SLC39A3: variants seen among roughly 807,000 people sequenced by gnomAD.
SLC39A3 encodes the protein zinc transporter ZIP3.
In SLC39A3, 3 loss-of-function variants were observed where a neutral mutation model predicts 5.1. The observed-to-expected ratio is 0.59, with a 90% CI of 0.27 to 1.54. The LOEUF (loss-of-function observed/expected upper bound fraction) is 1.54, where lower values mean the gene tolerates loss of function less well. Ranked by LOEUF, SLC39A3 falls within the 40% of genes most tolerant of loss-of-function variation. The probability of loss-of-function intolerance (pLI) is 0.12; values close to 1 mark genes in which losing one functional copy is unlikely to be tolerated. For missense variants in SLC39A3, 412 were observed against 436.4 expected (o/e 0.94, Z 0.50); for synonymous variants, 250 against 218.8 (o/e 1.14, Z -1.26).
At chr19:2,738,770 C>G (rs71339132) in intron 1 of SLC39A3, among the ~76,000 whole-genome samples, 1 of 152,040 alleles carries the variant, frequency 6.6e-6, no homozygotes, top group South Asian at 2.1e-4. Context: ...AACACTGTCT[C>G]TACTAAAAAT....
chr19:2,732,885 C>T lies in SLC39A3; in HGVS notation c.811G>A (p.Gly271Ser), dbSNP rs755044188. ...AGGAAGGTGATGAAGAGGAAGGTGC[C>T]GCCCGCCAGGCCCTGCAGCAGCACG... ...ASVLLQGLAG[G>S]TFLFITFLEI... Residue 271 changes from glycine (G) to serine (S), a missense_variant, in exon 3 of 3, where the codon GGC becomes AGC. Coordinates refer to ENST00000269740, the MANE Select transcript of SLC39A3 (RefSeq NM_144564.5). 14 of 1,611,754 alleles carry T rather than the reference C, an allele frequency of 8.7e-6. No individual in the cohort carries two copies. Among genetic ancestry groups the T allele is most frequent in the Non-Finnish European group, 1.1e-5 (13 of 1,179,398 alleles).
At chr19:2,737,787 G>A (rs2144700447) in intron 1 of SLC39A3, 1 of 157,976 alleles carries the variant, frequency 6.3e-6, no homozygotes, top group African/African-American at 2.4e-5. Flanking sequence ...CTGTAATCGT[G>A]TGCAATTAAT....
In SLC39A3 at chr19:2,737,237, G is replaced by C. The variant is rs781589170; in HGVS notation, c.21C>G (p.Ala7=). ...ACACGCCCACCATGCACAGGATTTT[G>C]GCCACTAGCAATTTCACCATGGTGG... MVKLLV[A]KILCMVGVFF... The change falls in exon 2 of 3, where the codon GCC becomes GCG. Residue 7 remains alanine, a synonymous_variant. Transcript: ENST00000269740. 1 of 1,613,582 alleles carries C rather than the reference G, an allele frequency of 6.2e-7. No individual in the cohort carries two copies. The highest frequency in any genetic ancestry group is 1.1e-5 in the South Asian group (1 of 91,030).
At position 2,733,277 on chromosome 19, in the gene SLC39A3, C is replaced by G. The variant is rs751040577; in HGVS notation, c.419G>C (p.Gly140Ala). 38 of 1,612,386 alleles carry G rather than the reference C, an allele frequency of 2.4e-5. No individual in the cohort carries two copies. Among genetic ancestry groups the G allele is most frequent in the Non-Finnish European group, 2.7e-5 (32 of 1,179,756 alleles). Residue 140 changes from glycine to alanine, a missense_variant, in exon 3 of 3, where the codon GGC becomes GCC. Coordinates refer to ENST00000269740, the MANE Select transcript of SLC39A3 (RefSeq NM_144564.5). This position sits in a 1 kb window ranked among gnomAD's most constrained non-coding sequence, Gnocchi z 6.1. ...CACGTACAGCGCGTGGCCCCGCGCG[C>G]CCCCCATGAAGGGGCTCTCATACTC... ...DSEYESPFMGGARGHALYVEP... is the reference protein window; with the variant it reads ...DSEYESPFMGAARGHALYVEP...
chr19:2,735,152 A>G lies in SLC39A3; in HGVS notation c.211-1667T>C. Reference sequence around the variant, plus strand: ...GGGTGACGGGGGTGACACCATGACCATGGGGGAAAAGGGGGGCTGGCAGTG... The same window carrying G: ...GGGTGACGGGGGTGACACCATGACCGTGGGGGAAAAGGGGGGCTGGCAGTG... On this transcript the variant is annotated intron_variant, in intron 2 of 2. Transcript: ENST00000269740. This position sits in a 1 kb window ranked among gnomAD's most constrained non-coding sequence, Gnocchi z 5.7. 2 of 985,382 alleles carry G rather than the reference A, an allele frequency of 2.0e-6. No homozygotes were observed. The highest frequency in any genetic ancestry group is 2.4e-6 in the Non-Finnish European group (2 of 829,934). 61.0% of individuals were successfully genotyped at this position (985,382 alleles called of 1,614,324 possible).
At position 2,732,629 on chromosome 19, in the gene SLC39A3, G is replaced by A. The variant is rs1914228678; in HGVS notation, c.*122C>T. Reference sequence around the variant, plus strand: ...AGCCTGGTCCCGGGAGGCCCCTTGTGCACAGGTGGTGGCCCAGGGCCACAG... The same window carrying A: ...AGCCTGGTCCCGGGAGGCCCCTTGTACACAGGTGGTGGCCCAGGGCCACAG... On this transcript the variant is annotated 3_prime_UTR_variant, in exon 3 of 3. Transcript: ENST00000269740. The A allele has an allele frequency of 1.4e-6, 2 of 1,428,224 alleles. No individual in the cohort carries two copies. Among genetic ancestry groups the A allele is most frequent in the African/African-American group, 1.4e-5 (1 of 69,380 alleles). The allele number at this position is 1,428,224 out of a possible 1,614,324, so 88.5% of individuals were successfully genotyped here.
At position 2,733,553 on chromosome 19, in the gene SLC39A3, C is replaced by T. The variant is rs1173108747; in HGVS notation, c.211-68G>A. On this transcript the variant is annotated intron_variant, in intron 2 of 2. Transcript: ENST00000269740. The surrounding 1 kb of genome is among the most constrained non-coding windows in gnomAD (Gnocchi z 6.1). Reference sequence around the variant, plus strand: ...CAGGGGTGGCGGCGACAGGGCTGGCCAGATGTCACCGTTCAAAGCAAAGTC... The same window carrying T: ...CAGGGGTGGCGGCGACAGGGCTGGCTAGATGTCACCGTTCAAAGCAAAGTC... The T allele has an allele frequency of 4.6e-6, 7 of 1,525,972 alleles. No individual in the cohort carries two copies. The Admixed American group carries it at 1.3e-4, about 28-fold the overall frequency. The allele number at this position is 1,525,972 out of a possible 1,614,324, so 94.5% of individuals were successfully genotyped here.
rs778806026 is a variant in SLC39A3 at position 2,735,241 on chromosome 19, G to C, written c.211-1756C>G. ...CTCCATCCTCGCAGTGCAGATGTCA[G>C]TCTTCACACACCGCGTAACGAACGA... On this transcript the variant is annotated intron_variant, in intron 2 of 2. Transcript: ENST00000269740. This position sits in a 1 kb window ranked among gnomAD's most constrained non-coding sequence, Gnocchi z 5.7. 12 of 984,446 alleles carry C rather than the reference G, an allele frequency of 1.2e-5. No individual in the cohort carries two copies. The highest frequency in any genetic ancestry group is 1.4e-5 in the Non-Finnish European group (12 of 828,996). 61.0% of individuals were successfully genotyped at this position (984,446 alleles called of 1,614,324 possible).
rs952819229 is a variant in SLC39A3 at position 2,738,353 on chromosome 19, C to T, written c.-122-974G>A. Among the ~76,000 whole-genome samples, 6 of 152,100 alleles carry T rather than the reference C, an allele frequency of 3.9e-5. No homozygotes were observed. The East Asian group carries it at 5.8e-4, about 15-fold the overall frequency. ...AGGGAACACTCTCATCACTGCAGAA[C>T]ATGCTATTGGATGGTGGTGGTCCAT... On this transcript the variant is annotated intron_variant, in intron 1 of 2. Transcript: ENST00000269740.
rs991529031 is a variant in SLC39A3 at position 2,732,659 on chromosome 19, C to T, written c.*92G>A. ...GGTGGTGGCCCAGGGCCACAGTGCT[C>T]GCTCTTGGGGGACGCGCGGCCGGGG... is the stretch of plus-strand genomic sequence containing the variant. On this transcript the variant is annotated 3_prime_UTR_variant, in exon 3 of 3. Coordinates refer to ENST00000269740, the MANE Select transcript of SLC39A3 (RefSeq NM_144564.5). 5.9e-5 allele frequency: 84 copies of T among 1,435,062 alleles called. No homozygotes were observed. Among genetic ancestry groups the T allele is most frequent in the East Asian group, 1.5e-4 (6 of 39,046 alleles). The allele number at this position is 1,435,062 out of a possible 1,614,324, so 88.9% of individuals were successfully genotyped here.
chr19:2,737,395 G>T lies in SLC39A3; in HGVS notation c.-122-16C>A. 2 of 1,412,980 alleles carry T rather than the reference G, an allele frequency of 1.4e-6. No individual in the cohort carries two copies. Among genetic ancestry groups the T allele is most frequent in the Non-Finnish European group, 1.9e-6 (2 of 1,065,080 alleles). The allele number at this position is 1,412,980 out of a possible 1,614,324, so 87.5% of individuals were successfully genotyped here. On this transcript the variant is annotated splice_polypyrimidine_tract_variant and intron_variant, in intron 1 of 2. Coordinates refer to ENST00000269740, the MANE Select transcript of SLC39A3 (RefSeq NM_144564.5). The stretch of plus-strand genomic sequence containing the variant: ...AGTCCAGCAACTGTGAACATCAGGG[G>T]CACTGCATTAGCTTTCTTTCTTTTT...
intron 2 of SLC39A3, chr19:2,736,311 G>T: frequency 4.5e-6 from 2 of 444,188 alleles, no homozygotes; most frequent in Non-Finnish European, 6.0e-6. Context: ...GGGGCAGAGG[G>T]GAAGGGATAC....
At position 2,732,816 on chromosome 19, in the gene SLC39A3, G is replaced by A. The variant is rs1914236745; in HGVS notation, c.880C>T (p.Leu294Phe). 1 of 1,611,436 alleles carries A rather than the reference G, an allele frequency of 6.2e-7. No individual in the cohort carries two copies. The highest frequency in any genetic ancestry group is 8.5e-7 in the Non-Finnish European group (1 of 1,179,092). ...KELEEKSDRL[L>F]KVLFLVLGYT... ...CCCAGCACCAGGAAGAGGACCTTGA[G>A]CAGACGGTCACTCTTCTCCTCCAGC... The change falls in exon 3 of 3, where the codon CTC becomes TTC. Residue 294 changes from leucine to phenylalanine, a missense_variant. Transcript: ENST00000269740.
Position 2,735,162 on chromosome 19 carries a change from A to G in SLC39A3, c.211-1677T>C. 1.8e-5 allele frequency: 18 copies of G among 985,176 alleles called. No individual in the cohort carries two copies. Among genetic ancestry groups the G allele is most frequent in the Non-Finnish European group, 2.0e-5 (17 of 829,806 alleles). The allele number at this position is 985,176 out of a possible 1,614,324, so 61.0% of individuals were successfully genotyped here. On this transcript the variant is annotated intron_variant, in intron 2 of 2. Coordinates refer to ENST00000269740, the MANE Select transcript of SLC39A3 (RefSeq NM_144564.5). This position sits in a 1 kb window ranked among gnomAD's most constrained non-coding sequence, Gnocchi z 5.7. ...GGTGACACCATGACCATGGGGGAAA[A>G]GGGGGGCTGGCAGTGGCCTCTGCGA... is the stretch of plus-strand genomic sequence containing the variant.
rs1056657375 is a variant in SLC39A3, at chr19:2,734,894, G to A, written c.211-1409C>T. 7 of 985,384 alleles carry A rather than the reference G, an allele frequency of 7.1e-6. No homozygotes were observed. The African/African-American group carries it at 1.2e-4, about 17-fold the overall frequency. The allele number at this position is 985,384 out of a possible 1,614,324, so 61.0% of individuals were successfully genotyped here. ...ACTCCCAAGAGACAGACGTTGATCA[G>A]GAGAGATGAGGCAGATGCACGGGAG... On this transcript the variant is annotated intron_variant, in intron 2 of 2. Transcript: ENST00000269740. The surrounding 1 kb of genome is among the most constrained non-coding windows in gnomAD (Gnocchi z 4.6).
Position 2,732,933 on chromosome 19 carries a change from C to T in SLC39A3, c.763G>A (p.Gly255Ser). The change falls in exon 3 of 3, where the codon GGC becomes AGC. Residue 255 changes from glycine to serine, a missense_variant. Coordinates refer to ENST00000269740, the MANE Select transcript of SLC39A3 (RefSeq NM_144564.5). ...ACGGACGCCACGCTGCCCGGCACGC[C>T]CTGGGCGCTCTCAATGCCCAGGCCC... ...GLGLGIESAQ[G>S]VPGSVASVLL... 1 of 1,608,996 alleles carries T rather than the reference C, an allele frequency of 6.2e-7. No individual in the cohort carries two copies. Among genetic ancestry groups the T allele is most frequent in the South Asian group, 1.1e-5 (1 of 90,728 alleles).
Position 2,735,766 on chromosome 19 carries a change from G to C in SLC39A3, c.210+1282C>G. 6.8e-6 allele frequency: 6 copies of C among 882,368 alleles called. No homozygotes were observed. The highest frequency in any genetic ancestry group is 8.1e-6 in the Non-Finnish European group (6 of 736,320). 54.7% of individuals were successfully genotyped at this position (882,368 alleles called of 1,614,324 possible). A position where few individuals can be genotyped will look rare whatever the true frequency, so the allele number is the denominator to read the frequency against. On this transcript the variant is annotated intron_variant, in intron 2 of 2. Transcript: ENST00000269740. The surrounding 1 kb of genome is among the most constrained non-coding windows in gnomAD (Gnocchi z 5.7). ...CCTACCCACACTCGAGGGGAGGGAAGAGCATGGGGCGTGCGGAGCAGGGGC... is the reference window on the plus strand; with the variant it reads ...CCTACCCACACTCGAGGGGAGGGAACAGCATGGGGCGTGCGGAGCAGGGGC...
At position 2,738,541 on chromosome 19, in the gene SLC39A3, C is replaced by G. The variant is rs115402709; in HGVS notation, c.-122-1162G>C. Reference sequence around the variant, plus strand: ...GGTTCTCCTCTCTCCACCTGGAACACTGCTCTCTTTCCCCTGACCTTCCAG... The same window carrying G: ...GGTTCTCCTCTCTCCACCTGGAACAGTGCTCTCTTTCCCCTGACCTTCCAG... On this transcript the variant is annotated intron_variant, in intron 1 of 2. Transcript: ENST00000269740. Among the ~76,000 whole-genome samples, 614 of 152,304 alleles carry G rather than the reference C, an allele frequency of 4.0e-3. 6 individuals carry two copies. Among genetic ancestry groups the G allele is most frequent in the African/African-American group, 0.014 (581 of 41,554 alleles).
chr19:2,733,211 A>G lies in SLC39A3; in HGVS notation c.485T>C (p.Leu162Pro). The G allele has an allele frequency of 6.2e-7, 1 of 1,607,328 alleles. No homozygotes were observed. Among genetic ancestry groups the G allele is most frequent in the Non-Finnish European group, 8.5e-7 (1 of 1,176,956 alleles). ...CAGGCGCACGGGGCTGGCGCGCGAG[A>G]GGCCCTGCACGCTCAGGCTGGGGCC... The part of the protein sequence containing the change: ...GHGPSLSVQG[L>P]SRASPVRLLS... Residue 162 changes from leucine to proline, a missense_variant, in exon 3 of 3, where the codon CTC becomes CCC. Leu to Pro is a moderately conservative substitution (Grantham distance 98, BLOSUM62 -3). Coordinates refer to ENST00000269740, the MANE Select transcript of SLC39A3 (RefSeq NM_144564.5). The surrounding 1 kb of genome is among the most constrained non-coding windows in gnomAD (Gnocchi z 6.1).
Sources: gnomAD v4.1 joint callset for allele counts (sites outside exome capture counted in the v4.1 genomes callset) on GRCh38, gnomAD v4.1.1 for gene constraint, Gnocchi (gnomAD v3.1) non-coding constraint, MANE v1.5 for transcripts, NCBI Gene and HGNC (gene_info 2026-07-23, HGNC 2026-07-21) for gene names.